The following ITPR1 variants were observed in gnomAD, a reference collection of about 807,000 sequenced individuals.
The protein encoded by ITPR1 is inositol 1,4,5-trisphosphate receptor type 1, also known as inositol 1,4,5-trisphosphate-gated calcium channel ITPR1.
ITPR1 carries 96 observed loss-of-function variants against 318.4 expected under a neutral mutation model. The ratio of observed to expected loss-of-function variants is 0.30; its 90% CI spans 0.26 to 0.36. The LOEUF (loss-of-function observed/expected upper bound fraction) is 0.36. Among genes scored for constraint, ITPR1 ranks in the 10% least tolerant of loss-of-function variants. The probability of loss-of-function intolerance (pLI) is 1.00; values close to 1 mark genes in which losing one functional copy is unlikely to be tolerated. For synonymous variants in ITPR1, 1,312 were observed against 1,289.9 expected, an observed-to-expected ratio of 1.02 and a Z score of -0.37; for missense variants, 2,440 against 3,460.2, an observed-to-expected ratio of 0.71 and a Z score of 7.40.
intron 30 of ITPR1, among the ~76,000 whole-genome samples, chr3:4,687,461 G>A (rs2094413952): frequency 6.6e-6 from 1 of 152,166 alleles, no homozygotes. Flanking sequence ...ACACAGCCAG[G>A]AAGTTGGAGA....
Position 4,683,768 on chromosome 3 carries a change from A to T in ITPR1, c.3468A>T (p.Ala1156=). Residue 1156 remains alanine (A), a synonymous_variant, in exon 28 of 62, where the codon GCA becomes GCT. Coordinates refer to ENST00000649015, the MANE Select transcript of ITPR1 (RefSeq NM_001378452.1). ...GQGPDETMDG[A]SGENEHKKTE... is the part of the protein sequence containing the mutation. ...GCCCCGATGAGACTATGGATGGTGC[A>T]TCTGGAGAAAATGAACATAAGAAAA... is the stretch of plus-strand genomic sequence containing the variant. The T allele has an allele frequency of 6.2e-7, 1 of 1,614,028 alleles. No homozygotes were observed. Among genetic ancestry groups the T allele is most frequent in the Non-Finnish European group, 8.5e-7 (1 of 1,179,864 alleles).
chr3:4,516,427 C>T (rs2082174720), intron 2 of ITPR1, 49 bp from the exon 3 acceptor site: 4 of 1,039,626 alleles, frequency 3.8e-6, no homozygotes, highest in Non-Finnish European at 4.2e-6. Context: ...TTTTCCCCTT[C>T]TGAACATTTC....
At chr3:4,805,690 A>G (rs573646300) in intron 54 of ITPR1, among the ~76,000 whole-genome samples, 1 of 152,352 alleles carries the variant, frequency 6.6e-6, no homozygotes, top group African/African-American at 2.4e-5. Context: ...CCTAGAATGT[A>G]ACAAATTCAG....
chr3:4,603,876 T>C (rs566901513), intron 4 of ITPR1, among the ~76,000 whole-genome samples: 13 of 152,296 alleles, frequency 8.5e-5, no homozygotes, highest in Admixed American at 2.0e-4. Flanking sequence ...CATTGCTGGG[T>C]TGAGTGATAG....
intron 40 of ITPR1, among the ~76,000 whole-genome samples, chr3:4,723,347 A>C (rs1384737617): frequency 6.6e-6 from 1 of 152,182 alleles, no homozygotes; most frequent in Admixed American, 6.5e-5. Flanking sequence ...GATCACATTG[A>C]AAAGTGTTTT....
intron 36 of ITPR1, among the ~76,000 whole-genome samples, chr3:4,703,495 C>G (rs920418643): frequency 6.6e-6 from 1 of 152,152 alleles, no homozygotes; most frequent in Non-Finnish European, 1.5e-5. Flanking sequence ...TTCCTTCATC[C>G]TGACTTTATC....
Position 4,683,880 on chromosome 3 carries a change from A to G in ITPR1, c.3498+82A>G, listed in dbSNP as rs2094344141. 7 of 1,216,374 alleles carry G rather than the reference A, an allele frequency of 5.8e-6. No homozygotes were observed. In the Admixed American group the frequency reaches 1.6e-4, roughly 29 times the overall value. 75.3% of individuals were successfully genotyped at this position (1,216,374 alleles called of 1,614,324 possible). On this transcript the variant is annotated intron_variant, in intron 28 of 61. Transcript: ENST00000649015. Reference sequence around the variant, plus strand: ...GGAGCATCCTCTTCTGGTTTTAGGTATAAATGTGATAGGATTTATTTTCAA... The same window carrying G: ...GGAGCATCCTCTTCTGGTTTTAGGTGTAAATGTGATAGGATTTATTTTCAA...
Position 4,779,534 on chromosome 3 carries a change from T to G in ITPR1, c.6292-16T>G, listed in dbSNP as rs1330041283. ...CAGCCCCTCTACATTTCCTCTCCCT[T>G]TGTTTCTCCAACTAGAACAATGCCT... On this transcript the variant is annotated splice_polypyrimidine_tract_variant and intron_variant, in intron 48 of 61. Coordinates refer to ENST00000649015, the MANE Select transcript of ITPR1 (RefSeq NM_001378452.1). The surrounding 1 kb of genome is among the most constrained non-coding windows in gnomAD (Gnocchi z 4.0). 6.2e-7 allele frequency: 1 copy of G among 1,603,532 alleles called. No homozygotes were observed. Among genetic ancestry groups the G allele is most frequent in the African/African-American group, 1.3e-5 (1 of 74,710 alleles).
intron 2 of ITPR1, among the ~76,000 whole-genome samples, 193 bp from the exon 3 acceptor site, chr3:4,516,283 T>TA (rs1170163727): frequency 1.3e-5 from 2 of 152,214 alleles, no homozygotes; most frequent in Non-Finnish European, 2.9e-5. Context: ...AATTAGATAA[T>TA]ATACGGGGAA....
intron 4 of ITPR1, among the ~76,000 whole-genome samples, chr3:4,549,276 A>C (rs963778246): frequency 6.6e-6 from 1 of 152,214 alleles, no homozygotes; most frequent in African/African-American, 2.4e-5. Context: ...TTGTCACAGA[A>C]TGTTTAAAAT....
At chr3:4,495,208 C>T (rs1207522762) in intron 2 of ITPR1, among the ~76,000 whole-genome samples, 1 of 147,732 alleles carries the variant, frequency 6.8e-6, no homozygotes, top group African/African-American at 2.5e-5. Flanking sequence ...GGTGCACGTA[C>T]ATCACTATTG....
At chr3:4,784,250 A>C (rs2047021281) in intron 51 of ITPR1, among the ~76,000 whole-genome samples, 1 of 152,128 alleles carries the variant, frequency 6.6e-6, no homozygotes, top group African/African-American at 2.4e-5. Flanking sequence ...ATTTCATCTG[A>C]ACCCAGACCG....
rs9311415 is a variant in ITPR1, at chr3:4,812,039, C to CT, written c.7468+596dup. The stretch of plus-strand genomic sequence containing the variant: ...AACTATAGTAGGATCACATGTATGT[C>CT]TTTTTTTTTTTTTTTTTCGAGACAG... On this transcript the variant is annotated intron_variant, in intron 56 of 61. Coordinates refer to ENST00000649015, the MANE Select transcript of ITPR1 (RefSeq NM_001378452.1). 2.7e-3 allele frequency among the ~76,000 whole-genome samples: 368 copies of CT among 137,910 alleles called. 4 individuals carry two copies. The highest frequency in any genetic ancestry group is 6.1e-3 in the African/African-American group (225 of 37,004). The allele number at this position is 137,910 out of a possible 152,430, so 90.5% of individuals were successfully genotyped here.
At position 4,652,132 on chromosome 3, in the gene ITPR1, C is replaced by T; in HGVS notation, c.865C>T (p.His289Tyr). 1 of 1,611,796 alleles carries T rather than the reference C, an allele frequency of 6.2e-7. No homozygotes were observed. Among genetic ancestry groups the T allele is most frequent in the Non-Finnish European group, 8.5e-7 (1 of 1,178,980 alleles). The change falls in exon 11 of 62, where the codon CAT (histidine) becomes TAT (tyrosine). Residue 289 changes from histidine to tyrosine, a missense_variant. This residue lies in a region of ITPR1 where 32 missense variants were observed against 62.7 expected (regional missense o/e 0.51). Transcript: ENST00000649015. ...KALWEVEVVQ[H>Y]DPCRGGAGYW... ...TTGATCATTCTTGCAGGTGGTCCAGCATGACCCATGTCGGGGCGGAGCAGG... is the reference window on the plus strand; with the variant it reads ...TTGATCATTCTTGCAGGTGGTCCAGTATGACCCATGTCGGGGCGGAGCAGG...
Position 4,710,406 on chromosome 3 carries a change from C to A in ITPR1, c.4924C>A (p.Pro1642Thr). Residue 1642 changes from proline to threonine, a missense_variant, in exon 38 of 62, where the codon CCC (proline) becomes ACC (threonine). Coordinates refer to ENST00000649015, the MANE Select transcript of ITPR1 (RefSeq NM_001378452.1). The surrounding 1 kb of genome is among the most constrained non-coding windows in gnomAD (Gnocchi z 4.2). Reference sequence around the variant, plus strand: ...TGTGCTCGTGGATGTTCTCCACAGACCCGAGCTGCTTTTCCCAGAGAACAC... The same window carrying A: ...TGTGCTCGTGGATGTTCTCCACAGAACCGAGCTGCTTTTCCCAGAGAACAC... ...LSVLVDVLHR[P>T]ELLFPENTDA... 1 of 1,558,538 alleles carries A rather than the reference C, an allele frequency of 6.4e-7. No individual in the cohort carries two copies. The highest frequency in any genetic ancestry group is 8.7e-7 in the Non-Finnish European group (1 of 1,150,414).
At chr3:4,576,583 C>G (rs756518543) in intron 4 of ITPR1, among the ~76,000 whole-genome samples, 1 of 152,178 alleles carries the variant, frequency 6.6e-6, no homozygotes, top group African/African-American at 2.4e-5. Flanking sequence ...GAAAATTTAT[C>G]TAGAAACAAT....
chr3:4,800,589 G>A lies in ITPR1; in HGVS notation c.7096G>A (p.Gly2366Ser). 2 of 1,613,926 alleles carry A rather than the reference G, an allele frequency of 1.2e-6. No individual in the cohort carries two copies. The highest frequency in any genetic ancestry group is 1.7e-6 in the Non-Finnish European group (2 of 1,179,848). ...GTTACAACCCACGTTGTTTCTTCTG[G>A]GCGCTTTCAATGTAAGTGTGAATAC... ...VGLQPTLFLL[G>S]AFNVCNKIIF... Residue 2366 changes from glycine to serine, a missense_variant, in exon 54 of 62, where the codon GGC (glycine) becomes AGC (serine). Transcript: ENST00000649015.
intron 57 of ITPR1, 156 bp from the exon 58 acceptor site, chr3:4,814,267 C>G (rs1480978687): frequency 1.6e-5 from 13 of 820,110 alleles, no homozygotes; most frequent in Non-Finnish European, 2.6e-5. Context: ...ACGACTTTAG[C>G]TTTTGAAAGA....
intron 49 of ITPR1, among the ~76,000 whole-genome samples, chr3:4,781,921 T>C (rs1344428691): frequency 5.9e-5 from 9 of 152,176 alleles, no homozygotes; most frequent in Admixed American, 5.9e-4. Context: ...AGGTCAGGGC[T>C]ATAGTGAGCC....
Sources: allele counts gnomAD v4.1 joint callset (sites outside exome capture counted in the v4.1 genomes callset), GRCh38; gene constraint gnomAD v4.1.1; regional missense constraint gnomAD v4.1.1; non-coding constraint Gnocchi (gnomAD v3.1); transcripts MANE v1.5; gene names NCBI Gene and HGNC (gene_info 2026-07-23, HGNC 2026-07-21).